Variants in DDX54 observed in about 807,000 individuals in gnomAD.
The protein encoded by DDX54 is DEAD-box helicase 54, also known as ATP-dependent RNA helicase DDX54.
Under a neutral mutation model 105.5 loss-of-function variants are expected in DDX54, and 67 were observed. The observed-to-expected ratio is 0.64, with a 90% CI of 0.52 to 0.78. DDX54 has a LOEUF of 0.78. Among genes scored for constraint, DDX54 ranks in the 30% least tolerant of loss-of-function variants. The probability of loss-of-function intolerance (pLI) is 0.00; values close to 1 mark genes in which losing one functional copy is unlikely to be tolerated. For synonymous variants in DDX54, 514 were observed against 509.9 expected (o/e 1.01, Z -0.11); for missense variants, 1,206 against 1,230.5 (o/e 0.98, Z 0.30).
chr12:113,168,776 C>A (rs1466149359), intron 12 of DDX54, among the ~76,000 whole-genome samples: 16 of 152,116 alleles, frequency 1.1e-4, no homozygotes, highest in Admixed American at 6.5e-5. Flanking sequence ...ACTAAAAATA[C>A]AAAATTAGCT....
rs572430790 is a variant in DDX54, at chr12:113,168,043, C to T, written c.1414+1727G>A. ...CCCCTTCCAATTCACCCCTGCGTGGCGCCCGACTGAGGCCTCCACCTCCAG... is the reference window on the plus strand; with the variant it reads ...CCCCTTCCAATTCACCCCTGCGTGGTGCCCGACTGAGGCCTCCACCTCCAG... On this transcript the variant is annotated intron_variant, in intron 12 of 19. Coordinates refer to ENST00000306014, the MANE Select transcript of DDX54 (RefSeq NM_024072.4). 4.9e-5 allele frequency: 22 copies of T among 444,660 alleles called. No individual in the cohort carries two copies. The East Asian group carries it at 9.3e-4, about 19-fold the overall frequency. The allele number at this position is 444,660 out of a possible 1,614,324, so 27.5% of individuals were successfully genotyped here.
At chr12:113,183,053 G>A (rs892263388) in intron 1 of DDX54, among the ~76,000 whole-genome samples, 1 of 151,340 alleles carries the variant, frequency 6.6e-6, no homozygotes, top group East Asian at 1.9e-4. Flanking sequence ...ATGCAGTCTC[G>A]CCATGCATGT....
Position 113,161,963 on chromosome 12 carries a change from C to A in DDX54, c.2230G>T (p.Gly744Ter). The A allele has an allele frequency of 6.2e-7, 1 of 1,613,426 alleles. No individual in the cohort carries two copies. The highest frequency in any genetic ancestry group is 8.5e-7 in the Non-Finnish European group (1 of 1,179,986). Residue 744 changes from glycine to a stop codon, truncating the protein, a stop_gained, in exon 18 of 20, where the codon GGA becomes TGA. Transcript: ENST00000306014. LOFTEE classifies it high-confidence loss of function. ...RKKKRFVGQSGQEDKKKIKTE... is the reference protein window; with the variant it reads ...RKKKRFVGQS ...TTAATCTTCTTCTTGTCTTCCTGTC[C>A]TGACTGTCCCACAAACCGCTTCTTC...
At chr12:113,159,143 TGGGATCACTCCCA>T in intron 19 of DDX54, 34 bp from the exon 20 acceptor site, 1 of 1,551,192 alleles carries the variant, frequency 6.4e-7, no homozygotes. Flanking sequence ...GCTCAGCTGT[TGGGATCACTCCCA>T]AGATCCCCTC....
At chr12:113,165,130 C>T (rs897708729) in intron 14 of DDX54, among the ~76,000 whole-genome samples, 33 of 152,188 alleles carry the variant, frequency 2.2e-4, no homozygotes, top group African/African-American at 3.4e-4. Context: ...ACTTCAAAAC[C>T]GGTGCTCTTA....
rs1952150772 is a variant in DDX54, at chr12:113,157,788, C to T, written c.*1089G>A. 3.3e-6 allele frequency: 3 copies of T among 919,746 alleles called. No individual in the cohort carries two copies. The highest frequency in any genetic ancestry group is 5.1e-6 in the Non-Finnish European group (3 of 590,626). 57.0% of individuals were successfully genotyped at this position (919,746 alleles called of 1,614,324 possible). A position where few individuals can be genotyped will look rare whatever the true frequency, so the allele number is the denominator to read the frequency against. Reference sequence around the variant, plus strand: ...TGAGTGGCTCTTCCTGAATCCGTTTCCTCATTGGGAAGATGGGAGGGCTGT... The same window carrying T: ...TGAGTGGCTCTTCCTGAATCCGTTTTCTCATTGGGAAGATGGGAGGGCTGT... On this transcript the variant is annotated 3_prime_UTR_variant, in exon 20 of 20. Coordinates refer to ENST00000306014, the MANE Select transcript of DDX54 (RefSeq NM_024072.4).
intron 5 of DDX54, among the ~76,000 whole-genome samples, chr12:113,178,758 G>A (rs1474831864): frequency 6.6e-6 from 1 of 152,076 alleles, no homozygotes; most frequent in Non-Finnish European, 1.5e-5. Context: ...GGTCAGGCTG[G>A]TCTCAAACTC....
In DDX54 at chr12:113,159,006, C is replaced by T; in HGVS notation, c.2517G>A (p.Leu839=). 6.2e-7 allele frequency: 1 copy of T among 1,611,752 alleles called. No homozygotes were observed. Among genetic ancestry groups the T allele is most frequent in the South Asian group, 1.1e-5 (1 of 90,708 alleles). The change falls in exon 20 of 20, where the codon CTG becomes CTA. Residue 839 remains leucine (L), a synonymous_variant. Coordinates refer to ENST00000306014, the MANE Select transcript of DDX54 (RefSeq NM_024072.4). ...TGAGGCCACCACGCTGCAGGAAGTG[C>T]AGCTTCTGGGCCCGGCGCCGCTGCT... is the stretch of plus-strand genomic sequence containing the variant. ...ILKQRRRAQK[L]HFLQRGGLKQ... is the part of the protein sequence containing the mutation.
At chr12:113,182,543 A>G (rs1952478326) in intron 1 of DDX54, among the ~76,000 whole-genome samples, 1 of 151,996 alleles carries the variant, frequency 6.6e-6, no homozygotes, top group African/African-American at 2.4e-5. Context: ...ATGTATGAAC[A>G]GCATGTCCTT....
Position 113,165,875 on chromosome 12 carries a change from C to A in DDX54, c.1572G>T (p.Pro524=). 1 of 1,613,630 alleles carries A rather than the reference C, an allele frequency of 6.2e-7. No homozygotes were observed. The change falls in exon 13 of 20, where the codon CCG becomes CCT. Residue 524 remains proline (P), a synonymous_variant. Transcript: ENST00000306014. ...NAQQQYVRSR[P]APSPESIKRA... is the part of the protein sequence containing the mutation. ...TCTTGATGGACTCAGGCGAGGGCGC[C>A]GGGCGTGAGCGCACATACTGCTGCT...
intron 12 of DDX54, 21 bp downstream of exon 12, chr12:113,169,749 C>A: frequency 1.2e-6 from 2 of 1,612,362 alleles, no homozygotes; most frequent in Non-Finnish European, 1.7e-6. Flanking sequence ...GGACCCCTAT[C>A]CCCACCCAGC....
chr12:113,180,385 A>G (rs1015385110), intron 2 of DDX54, among the ~76,000 whole-genome samples: 8 of 151,980 alleles, frequency 5.3e-5, no homozygotes, highest in Non-Finnish European at 1.0e-4. Flanking sequence ...GGGTGTGGGG[A>G]GGGACTCTTG....
chr12:113,165,692 C>T lies in DDX54; in HGVS notation c.1671G>A (p.Leu557=), dbSNP rs1194349245. The T allele has an allele frequency of 1.2e-6, 2 of 1,613,546 alleles. No homozygotes were observed. The highest frequency in any genetic ancestry group is 1.3e-5 in the African/African-American group (1 of 74,942). ...LFSSRFEEEE[L]QRLRLVDSIK... is the part of the protein sequence containing the mutation. Reference sequence around the variant, plus strand: ...TGCTGTCCACCAGCCTCAGCCGCTGCAGCTCCTCCTCCTCAAAACGCGAGC... The same window carrying T: ...TGCTGTCCACCAGCCTCAGCCGCTGTAGCTCCTCCTCCTCAAAACGCGAGC... Residue 557 remains leucine (L), a synonymous_variant, in exon 14 of 20, where the codon CTG becomes CTA. Transcript: ENST00000306014.
chr12:113,169,973 C>T (rs897174574), intron 11 of DDX54, 69 bp from the exon 12 acceptor site: 2 of 1,583,560 alleles, frequency 1.3e-6, no homozygotes, highest in Non-Finnish European at 1.7e-6. Flanking sequence ...GTTCCACAGG[C>T]CAGACCCTGA....
At chr12:113,161,780 G>GGCCC in intron 18 of DDX54, 113 bp downstream of exon 18, 2 of 254,868 alleles carry the variant, frequency 7.8e-6, no homozygotes, top group South Asian at 3.5e-5. Flanking sequence ...AAGCCGCTCA[G>GGCCC]CCCCGCCCCC....
chr12:113,183,321 C>G (rs763535374), intron 1 of DDX54, among the ~76,000 whole-genome samples: 1 of 152,262 alleles, frequency 6.6e-6, no homozygotes, highest in Non-Finnish European at 1.5e-5. Flanking sequence ...CTGAACTACA[C>G]TTAGACTCCT....
chr12:113,159,073 C>G lies in DDX54; in HGVS notation c.2450G>C (p.Gly817Ala). 6.2e-7 allele frequency: 1 copy of G among 1,607,668 alleles called. No homozygotes were observed. Among genetic ancestry groups the G allele is most frequent in the Non-Finnish European group, 8.5e-7 (1 of 1,177,844 alleles). The change falls in exon 20 of 20, where the codon GGC (glycine) becomes GCC (alanine). Residue 817 changes from glycine to alanine, a missense_variant. By Grantham distance (60) the Gly-to-Ala change is moderately conservative. Transcript: ENST00000306014. ...GGTCTTGAGTTCCGGGCGGACTCGG[C>G]CTGCAGGGGTGCCTGGGGCGTGGGG... ...SRPHAPGTPA[G>A]RVRPELKTKQ...
chr12:113,172,636 C>G (rs780263190), intron 10 of DDX54, 73 bp from the exon 11 acceptor site: 6 of 1,548,096 alleles, frequency 3.9e-6, no homozygotes, highest in Non-Finnish European at 5.3e-6. Flanking sequence ...CAGACCATGG[C>G]GGGGGACGGG....
At chr12:113,173,736 G>A (rs763773476) in intron 10 of DDX54, among the ~76,000 whole-genome samples, 10 of 152,194 alleles carry the variant, frequency 6.6e-5, no homozygotes, top group Non-Finnish European at 1.5e-4. Context: ...CAGGATGGCA[G>A]GGACAGGCTT....
Sources: allele counts gnomAD v4.1 joint callset (sites outside exome capture counted in the v4.1 genomes callset), GRCh38; gene constraint gnomAD v4.1.1; transcripts MANE v1.5; gene names NCBI Gene and HGNC (gene_info 2026-07-23, HGNC 2026-07-21).